The following AFF3 variants were observed in gnomAD, a reference collection of about 807,000 sequenced individuals.
The protein encoded by AFF3 is AF4/FMR2 family member 3.
A neutral mutation model predicts 129.7 loss-of-function variants in AFF3; 32 were observed. The ratio of observed to expected loss-of-function variants is 0.25; its 90% CI spans 0.19 to 0.33. AFF3 has a LOEUF of 0.33. Ranked by LOEUF, AFF3 falls within the 10% of genes least tolerant of loss-of-function variation. AFF3 has a pLI of 1.00. For synonymous variants in AFF3, 644 were observed against 635.4 expected (o/e 1.01, Z -0.20); for missense variants, 1,373 against 1,592.0 (o/e 0.86, Z 2.34).
chr2:99,985,438 G>A (rs1005537556), intron 7 of AFF3, among the ~76,000 whole-genome samples: 1 of 152,204 alleles, frequency 6.6e-6, no homozygotes, highest in Admixed American at 6.5e-5. Flanking sequence ...TTAAAAGGCT[G>A]CATGGCACAT....
intron 4 of AFF3, among the ~76,000 whole-genome samples, chr2:100,096,064 AC>A (rs1469050592): frequency 1.3e-5 from 2 of 151,876 alleles, no homozygotes; most frequent in Non-Finnish European, 2.9e-5. Context: ...CAAATAGCTG[AC>A]CCCACCCCCA....
chr2:99,804,429 A>G (rs528015112), intron 8 of AFF3, among the ~76,000 whole-genome samples: 1 of 152,314 alleles, frequency 6.6e-6, no homozygotes, highest in South Asian at 2.1e-4. Context: ...AAAAAGTCAA[A>G]AAACAATTAA....
intron 7 of AFF3, among the ~76,000 whole-genome samples, chr2:99,956,121 CT>C (rs548304397): frequency 0.05 from 7,082 of 141,692 alleles, 481 homozygotes; most frequent in African/African-American, 0.16. Context: ...CTCATTTAGT[CT>C]TTTTTTTTTT....
intron 7 of AFF3, among the ~76,000 whole-genome samples, chr2:99,877,118 G>A (rs1692360110): frequency 6.6e-6 from 1 of 152,182 alleles, no homozygotes; most frequent in Non-Finnish European, 1.5e-5. Context: ...AGATTCTTGG[G>A]AAATTCCTGT....
At chr2:99,825,338 G>A (rs1687996103) in intron 8 of AFF3, among the ~76,000 whole-genome samples, 1 of 152,016 alleles carries the variant, frequency 6.6e-6, no homozygotes, top group South Asian at 2.1e-4. Context: ...TTCTACCTTA[G>A]AAATTATTTT....
Position 100,105,561 on chromosome 2 carries a change from G to C in AFF3, c.-122C>G. ...GACTTCAAACTTGCCGCCCGTCTCC[G>C]GTCTGGAAAGGCAGGTGATCAGCTA... On this transcript the variant is annotated 5_prime_UTR_variant, in exon 3 of 25. Transcript: ENST00000672756. 1 of 1,332,430 alleles carries C rather than the reference G, an allele frequency of 7.5e-7. No individual in the cohort carries two copies. Among genetic ancestry groups the C allele is most frequent in the Non-Finnish European group, 9.9e-7 (1 of 1,005,218 alleles). 82.5% of individuals were successfully genotyped at this position (1,332,430 alleles called of 1,614,324 possible). A position where few individuals can be genotyped will look rare whatever the true frequency, so the allele number is the denominator to read the frequency against.
chr2:99,994,841 G>GA (rs757205852), intron 7 of AFF3, among the ~76,000 whole-genome samples: 2 of 152,102 alleles, frequency 1.3e-5, no homozygotes, highest in African/African-American at 2.4e-5. Flanking sequence ...TTGAACCAGT[G>GA]AAAGTAGGGT....
At chr2:100,117,242 C>A (rs1383621367) in intron 2 of AFF3, among the ~76,000 whole-genome samples, 1 of 152,156 alleles carries the variant, frequency 6.6e-6, no homozygotes, top group African/African-American at 2.4e-5. Context: ...TCTCTTTCCT[C>A]TTCTTCTGAG....
chr2:99,880,950 G>T (rs1269465989), intron 7 of AFF3, among the ~76,000 whole-genome samples: 2 of 152,168 alleles, frequency 1.3e-5, no homozygotes, highest in Non-Finnish European at 2.9e-5. Flanking sequence ...TTCAGATGGG[G>T]GCAGACAGCA....
chr2:99,719,611 T>C (rs758098213), intron 11 of AFF3, among the ~76,000 whole-genome samples: 5 of 152,250 alleles, frequency 3.3e-5, no homozygotes, highest in Non-Finnish European at 2.9e-5. Context: ...TTGAGTATTA[T>C]AAAATGTCCT....
Position 99,556,695 on chromosome 2 carries a change from T to C in AFF3, c.3286-1963A>G, listed in dbSNP as rs367904069. 2.0e-5 allele frequency among the ~76,000 whole-genome samples: 3 copies of C among 152,142 alleles called. No homozygotes were observed. The East Asian group carries it at 5.8e-4, about 29-fold the overall frequency. ...CTAGCACTTTGGGAGGCCAAGGCAG[T>C]AGGCTCGCTGGAGGACAGGAGTTCG... On this transcript the variant is annotated intron_variant, in intron 22 of 24. Coordinates refer to ENST00000672756, the MANE Select transcript of AFF3 (RefSeq NM_001386135.1).
intron 11 of AFF3, among the ~76,000 whole-genome samples, chr2:99,681,058 GTTT>G (rs999373075): frequency 2.0e-5 from 3 of 151,336 alleles, no homozygotes; most frequent in African/African-American, 7.3e-5. Flanking sequence ...TGGGCATCAG[GTTT>G]TTTTTTCTTT....
At chr2:99,579,657 T>C (rs140912112) in intron 17 of AFF3, among the ~76,000 whole-genome samples, 8,354 of 152,038 alleles carry the variant, frequency 0.055, 648 homozygotes, top group African/African-American at 0.18. Flanking sequence ...GAGGTGGAGG[T>C]TGCAGTGAGC....
At chr2:99,591,893 A>G (rs1186049549) in intron 15 of AFF3, among the ~76,000 whole-genome samples, 2 of 152,176 alleles carry the variant, frequency 1.3e-5, no homozygotes, top group African/African-American at 4.8e-5. Flanking sequence ...TGGGTATGAC[A>G]ATATTTGCCT....
intron 4 of AFF3, among the ~76,000 whole-genome samples, chr2:100,066,182 T>C (rs1303978601): frequency 6.6e-6 from 1 of 152,210 alleles, no homozygotes; most frequent in East Asian, 1.9e-4. Flanking sequence ...CAATTTGTTT[T>C]ACAAATAAAT....
intron 13 of AFF3, among the ~76,000 whole-genome samples, chr2:99,624,972 C>G (rs573686921): frequency 1.3e-4 from 20 of 152,314 alleles, no homozygotes; most frequent in African/African-American, 4.8e-4. Flanking sequence ...ACACACTTGA[C>G]ACACACAAGA....
chr2:99,715,797 G>C (rs192440436), intron 11 of AFF3, among the ~76,000 whole-genome samples: 1 of 151,302 alleles, frequency 6.6e-6, no homozygotes, highest in African/African-American at 2.4e-5. Flanking sequence ...TCAGCCTCCC[G>C]AGTAGCTGGG....
chr2:100,035,839 C>T (rs922920216), intron 4 of AFF3, among the ~76,000 whole-genome samples: 1 of 152,086 alleles, frequency 6.6e-6, no homozygotes, highest in Non-Finnish European at 1.5e-5. Context: ...ATGCCTTTTA[C>T]ACTGGGTTGC....
chr2:100,017,131 G>A (rs1392594046), intron 4 of AFF3, among the ~76,000 whole-genome samples: 1 of 152,048 alleles, frequency 6.6e-6, no homozygotes, highest in Non-Finnish European at 1.5e-5. Flanking sequence ...TGAGGAGTGA[G>A]AAACAGTCAA....
Sources: gnomAD v4.1 joint callset for allele counts (sites outside exome capture counted in the v4.1 genomes callset) on GRCh38, gnomAD v4.1.1 for gene constraint, MANE v1.5 for transcripts, NCBI Gene and HGNC (gene_info 2026-07-23, HGNC 2026-07-21) for gene names.